Variants in DIAPH1 observed in about 807,000 individuals in gnomAD.
The protein encoded by DIAPH1 is protein diaphanous homolog 1.
Under a neutral mutation model 140.7 loss-of-function variants are expected in DIAPH1, and 46 were observed. That is an observed-to-expected ratio of 0.33 (90% CI 0.26 to 0.42). The LOEUF (loss-of-function observed/expected upper bound fraction) is 0.42. Ranked by LOEUF, DIAPH1 falls within the 10% of genes least tolerant of loss-of-function variation. DIAPH1 has a pLI of 1.00. For synonymous variants in DIAPH1, 565 were observed against 551.6 expected, an observed-to-expected ratio of 1.02 and a Z score of -0.34; for missense variants, 1,310 against 1,558.7, an observed-to-expected ratio of 0.84 and a Z score of 2.69.
rs1229086927 is a variant in DIAPH1, at chr5:141,516,003, G to A, written c.*848C>T. 1 of 152,274 alleles carries A rather than the reference G, an allele frequency of 6.6e-6. No homozygotes were observed. Among genetic ancestry groups the A allele is most frequent in the Non-Finnish European group, 1.5e-5 (1 of 68,054 alleles). 9.4% of individuals were successfully genotyped at this position (152,274 alleles called of 1,614,324 possible). A position where few individuals can be genotyped will look rare whatever the true frequency, so the allele number is the denominator to read the frequency against. On this transcript the variant is annotated 3_prime_UTR_variant, in exon 28 of 28. Transcript: ENST00000389054. ...CACCTCCCATTTCCTTGTAGACAGA[G>A]GGTGAGGTGTTGGGATGGTCACAGT...
intron 18 of DIAPH1, among the ~76,000 whole-genome samples, chr5:141,545,522 T>C (rs894380838): frequency 5.9e-5 from 9 of 152,108 alleles, no homozygotes; most frequent in Non-Finnish European, 1.3e-4. Context: ...CACATGCTTA[T>C]AGTCCCAGCT....
At chr5:141,614,373 T>C (rs541856391) in intron 1 of DIAPH1, among the ~76,000 whole-genome samples, 3 of 152,268 alleles carry the variant, frequency 2.0e-5, no homozygotes, top group South Asian at 4.1e-4. Context: ...TCCCTGAGAA[T>C]AGCCTGGCAA....
At chr5:141,556,229 T>A (rs1041569379) in intron 18 of DIAPH1, among the ~76,000 whole-genome samples, 1 of 152,192 alleles carries the variant, frequency 6.6e-6, no homozygotes, top group Non-Finnish European at 1.5e-5. Context: ...CACAGTATTA[T>A]ATTTTTTCTT....
At chr5:141,529,791 G>C in intron 19 of DIAPH1, 94 bp from the exon 20 acceptor site, 1 of 1,171,842 alleles carries the variant, frequency 8.5e-7, no homozygotes. Flanking sequence ...CTTCCTAACA[G>C]GGCTCTTTTA....
chr5:141,534,201 C>G lies in DIAPH1; in HGVS notation c.2581+134G>C. 1.1e-5 allele frequency: 8 copies of G among 702,972 alleles called. No individual in the cohort carries two copies. The South Asian group carries it at 1.3e-4, about 11-fold the overall frequency. 43.5% of individuals were successfully genotyped at this position (702,972 alleles called of 1,614,324 possible). A position where few individuals can be genotyped will look rare whatever the true frequency, so the allele number is the denominator to read the frequency against. ...AATTAAACATGATACTGAAAATTCA[C>G]TGTGCAATGGTTGGTATATAGCAGG... On this transcript the variant is annotated intron_variant, in intron 19 of 27. Transcript: ENST00000389054.
Position 141,573,304 on chromosome 5 carries a change from G to A in DIAPH1, c.2358+188C>T, listed in dbSNP as rs568019220. Reference sequence around the variant, plus strand: ...ACAAAAATTAGCCGGGCGTGGTGGCGCGCGCCTATAGTCCCAGCTACACGG... The same window carrying A: ...ACAAAAATTAGCCGGGCGTGGTGGCACGCGCCTATAGTCCCAGCTACACGG... On this transcript the variant is annotated intron_variant, in intron 16 of 27. Coordinates refer to ENST00000389054, the MANE Select transcript of DIAPH1 (RefSeq NM_005219.5). 1.1e-4 allele frequency among the ~76,000 whole-genome samples: 17 copies of A among 152,022 alleles called. No individual in the cohort carries two copies. In the South Asian group the frequency reaches 2.5e-3, roughly 22 times the overall value.
chr5:141,521,571 G>C (rs927702970), intron 27 of DIAPH1, among the ~76,000 whole-genome samples: 20 of 152,172 alleles, frequency 1.3e-4, no homozygotes, highest in African/African-American at 4.6e-4. Flanking sequence ...TCCAGAGACC[G>C]GAAGAATTTA....
At position 141,618,940 on chromosome 5, in the gene DIAPH1, C is replaced by CA; in HGVS notation, c.-27_-26insT. 1 of 1,368,210 alleles carries CA rather than the reference C, an allele frequency of 7.3e-7. No individual in the cohort carries two copies. The highest frequency in any genetic ancestry group is 1.4e-5 in the South Asian group (1 of 71,780). 84.8% of individuals were successfully genotyped at this position (1,368,210 alleles called of 1,614,324 possible). Reference sequence around the variant, plus strand: ...GTCCCGGTTCACGCTGGCCGGCGACCCCGCGCCTACGCCGCTCCCGCCTGG... The same window carrying CA: ...GTCCCGGTTCACGCTGGCCGGCGACCACCGCGCCTACGCCGCTCCCGCCTGG... On this transcript the variant is annotated 5_prime_UTR_variant, in exon 1 of 28. Coordinates refer to ENST00000389054, the MANE Select transcript of DIAPH1 (RefSeq NM_005219.5).
chr5:141,534,372 C>T lies in DIAPH1; in HGVS notation c.2544G>A (p.Glu848=), dbSNP rs935533528. The T allele has an allele frequency of 1.9e-6, 3 of 1,613,784 alleles. No individual in the cohort carries two copies. The highest frequency in any genetic ancestry group is 2.5e-6 in the Non-Finnish European group (3 of 1,180,000). The stretch of plus-strand genomic sequence containing the variant: ...CTGTCTTTGAATCCAACACCTTTAA[C>T]TCTTTTACTTTTTTCTTTTGCACAG... ...KKSVQKKKVK[E]LKVLDSKTAQ... Residue 848 remains glutamate (E), a synonymous_variant, in exon 19 of 28, where the codon GAG becomes GAA. Transcript: ENST00000389054.
intron 2 of DIAPH1, chr5:141,587,457 C>T (rs2099897713): frequency 2.0e-6 from 1 of 496,538 alleles, no homozygotes; most frequent in African/African-American, 1.9e-5. Context: ...CTAGAAGAAA[C>T]ATTGTTCTTG....
At chr5:141,562,651 G>C (rs1436596747) in intron 18 of DIAPH1, among the ~76,000 whole-genome samples, 1 of 150,514 alleles carries the variant, frequency 6.6e-6, no homozygotes, top group African/African-American at 2.4e-5. Flanking sequence ...CAGAGAAGCT[G>C]AAAGAAAAGC....
chr5:141,529,543 T>C, intron 20 of DIAPH1, 60 bp downstream of exon 20: 2 of 1,330,776 alleles, frequency 1.5e-6, no homozygotes, highest in Admixed American at 1.7e-5. Context: ...TACACAGAGA[T>C]GAGGCCAGTG....
intron 1 of DIAPH1, among the ~76,000 whole-genome samples, chr5:141,595,029 G>A (rs1194184757): frequency 2.0e-4 from 28 of 137,692 alleles, no homozygotes; most frequent in African/African-American, 6.9e-4. Context: ...CGACAAGAGC[G>A]AAACTCCATC....
intron 1 of DIAPH1, among the ~76,000 whole-genome samples, chr5:141,610,711 G>A (rs1413121431): frequency 6.6e-6 from 1 of 151,778 alleles, no homozygotes; most frequent in African/African-American, 2.4e-5. Flanking sequence ...CAGCCTCCGA[G>A]AGTGCTGGGA....
intron 18 of DIAPH1, among the ~76,000 whole-genome samples, chr5:141,561,173 G>A (rs1335768028): frequency 2.0e-5 from 3 of 152,010 alleles, no homozygotes; most frequent in South Asian, 2.1e-4. Flanking sequence ...ACACACACAG[G>A]AGAGTGCCGT....
At chr5:141,592,888 G>T (rs2099898713) in intron 1 of DIAPH1, among the ~76,000 whole-genome samples, 1 of 152,146 alleles carries the variant, frequency 6.6e-6, no homozygotes, top group Admixed American at 6.5e-5. Context: ...TCAGGTAAAA[G>T]ATGTCAGACT....
rs375652081 is a variant in DIAPH1, at chr5:141,609,865, T to C, written c.117+8933A>G. Among the ~76,000 whole-genome samples, 17 of 152,284 alleles carry C rather than the reference T, an allele frequency of 1.1e-4. No homozygotes were observed. In the East Asian group the frequency reaches 3.1e-3, roughly 28 times the overall value. The stretch of plus-strand genomic sequence containing the variant: ...GCTTCCACGATAAATGGAATGAAAG[T>C]CCCGAAATCCTCAGAGTATCAGAAA... On this transcript the variant is annotated intron_variant, in intron 1 of 27. Coordinates refer to ENST00000389054, the MANE Select transcript of DIAPH1 (RefSeq NM_005219.5).
chr5:141,524,571 A>G (rs2099887024), intron 26 of DIAPH1: 1 of 378,938 alleles, frequency 2.6e-6, no homozygotes, highest in Non-Finnish European at 5.1e-6. Context: ...TACGATTGTG[A>G]AATTACTAAG....
chr5:141,538,098 T>TC (rs1226687705), intron 18 of DIAPH1, among the ~76,000 whole-genome samples: 1 of 151,290 alleles, frequency 6.6e-6, no homozygotes, highest in Non-Finnish European at 1.5e-5. Context: ...TCTCGCTCTG[T>TC]CACCCAGGCT....
Sources: gnomAD v4.1 joint callset for allele counts (sites outside exome capture counted in the v4.1 genomes callset) on GRCh38, gnomAD v4.1.1 for gene constraint, MANE v1.5 for transcripts, NCBI Gene and HGNC (gene_info 2026-07-23, HGNC 2026-07-21) for gene names.